The following FASN variants were observed in gnomAD, a reference collection of about 807,000 sequenced individuals.
FASN encodes the protein fatty acid synthase.
A neutral mutation model predicts 250.0 loss-of-function variants in FASN; 50 were observed. That is an observed-to-expected ratio of 0.20 (90% CI 0.16 to 0.25). The LOEUF (loss-of-function observed/expected upper bound fraction) is 0.25. Among genes scored for constraint, FASN ranks in the 10% least tolerant of loss-of-function variants. The pLI is 1.00. For synonymous variants in FASN, 1,909 were observed against 1,584.0 expected (o/e 1.21, Z -4.87); for missense variants, 3,031 against 3,498.5 (o/e 0.87, Z 3.37).
At position 82,080,294 on chromosome 17, in the gene FASN, C is replaced by T. The variant is rs981096750; in HGVS notation, c.7048-56G>A. Reference sequence around the variant, plus strand: ...GGAAGGGGCGGGGCCTCCTAAGCGACGGTCCCCCAAAGCCAGGGCACAGGT... The same window carrying T: ...GGAAGGGGCGGGGCCTCCTAAGCGATGGTCCCCCAAAGCCAGGGCACAGGT... On this transcript the variant is annotated intron_variant, in intron 40 of 42. Coordinates refer to ENST00000306749, the MANE Select transcript of FASN (RefSeq NM_004104.5). The T allele has an allele frequency of 3.0e-5, 49 of 1,610,726 alleles. 1 individual carries two copies. Among genetic ancestry groups the T allele is most frequent in the South Asian group, 6.6e-5 (6 of 91,036 alleles).
At chr17:82,086,106 G>A in intron 22 of FASN, 148 bp downstream of exon 22, 2 of 1,405,500 alleles carry the variant, frequency 1.4e-6, no homozygotes, top group Admixed American at 2.0e-5. Flanking sequence ...GGACCGCACA[G>A]GACACGTGCA....
chr17:82,094,828 C>T (rs940000516), intron 3 of FASN, among the ~76,000 whole-genome samples: 2 of 150,036 alleles, frequency 1.3e-5, no homozygotes, highest in South Asian at 2.1e-4. Context: ...AAAAAAACGG[C>T]GTGGCGCTTG....
rs1156751584 is a variant in FASN, at chr17:82,087,455, G to A, written c.3093C>T (p.Asp1031=). ...CCAGGATGGACATCTGCAGCATGGT[G>A]TCCATGAAGCTCACCCAGTTATCCT... ...LWKDNWVSFM[D]TMLQMSILGS... The change falls in exon 20 of 43, where the codon GAC becomes GAT. Residue 1031 remains aspartate, a synonymous_variant. Transcript: ENST00000306749. 21 of 1,612,694 alleles carry A rather than the reference G, an allele frequency of 1.3e-5. No individual in the cohort carries two copies. Among genetic ancestry groups the A allele is most frequent in the Non-Finnish European group, 1.8e-5 (21 of 1,180,006 alleles).
Position 82,087,191 on chromosome 17 carries a change from C to A in FASN, c.3286G>T (p.Gly1096Trp), listed in dbSNP as rs62642478. ...CGCGGGGCCGACTCAGTGTGGAGCCCGGAGATGTGGACGCCTCCGGCCACT... is the reference window on the plus strand; with the variant it reads ...CGCGGGGCCGACTCAGTGTGGAGCCAGGAGATGTGGACGCCTCCGGCCACT... ...VTVAGGVHIS[G>W]LHTESAPRRQ... The change falls in exon 21 of 43, where the codon GGG (glycine) becomes TGG (tryptophan). Residue 1096 changes from glycine (G) to tryptophan (W), a missense_variant. By Grantham distance (184) the Gly-to-Trp change is radical (BLOSUM62 -2). Coordinates refer to ENST00000306749, the MANE Select transcript of FASN (RefSeq NM_004104.5). 6.2e-7 allele frequency: 1 copy of A among 1,607,610 alleles called. No individual in the cohort carries two copies. Among genetic ancestry groups the A allele is most frequent in the Admixed American group, 1.7e-5 (1 of 58,660 alleles).
chr17:82,085,421 G>C lies in FASN; in HGVS notation c.4123-19C>G, dbSNP rs757169080. 1.2e-6 allele frequency: 2 copies of C among 1,606,012 alleles called. No homozygotes were observed. Among genetic ancestry groups the C allele is most frequent in the Non-Finnish European group, 1.7e-6 (2 of 1,177,234 alleles). Reference sequence around the variant, plus strand: ...ACGCGTCCTGTGGGGGCGGTGGTCAGCACCCTGCCCGCCTGGCCCTCACCC... The same window carrying C: ...ACGCGTCCTGTGGGGGCGGTGGTCACCACCCTGCCCGCCTGGCCCTCACCC... On this transcript the variant is annotated intron_variant, in intron 23 of 42. Transcript: ENST00000306749.
chr17:82,093,202 C>G lies in FASN; in HGVS notation c.655+17G>C, dbSNP rs17848961. 6.4e-7 allele frequency: 1 copy of G among 1,562,606 alleles called. No homozygotes were observed. The highest frequency in any genetic ancestry group is 1.2e-5 in the South Asian group (1 of 85,226). The stretch of plus-strand genomic sequence containing the variant: ...GCCACTGTCCCGCCTGCCCTGGCCG[C>G]GCAGCCGCACACTCACCCGCTGTGT... On this transcript the variant is annotated intron_variant, in intron 5 of 42. Coordinates refer to ENST00000306749, the MANE Select transcript of FASN (RefSeq NM_004104.5).
chr17:82,096,330 C>T lies in FASN; in HGVS notation c.116G>A (p.Arg39His), dbSNP rs766137207. The T allele has an allele frequency of 2.5e-6, 4 of 1,612,518 alleles. No individual in the cohort carries two copies. Among genetic ancestry groups the T allele is most frequent in the Admixed American group, 3.3e-5 (2 of 60,010 alleles). Residue 39 changes from arginine to histidine, a missense_variant, in exon 2 of 43, where the codon CGC becomes CAC. Arg to His is a conservative substitution (Grantham distance 29). Transcript: ENST00000306749. ...GVDMVTDDDR[R>H]WKAGLYGLPR... Reference sequence around the variant, plus strand: ...CCGCAGCCACATACCCGCCTTCCAGCGACGGTCATCGTCCGTGACCATGTC... The same window carrying T: ...CCGCAGCCACATACCCGCCTTCCAGTGACGGTCATCGTCCGTGACCATGTC...
rs753756949 is a variant in FASN at position 82,081,772 on chromosome 17, T to G, written c.6235A>C (p.Ile2079Leu). The G allele has an allele frequency of 4.3e-6, 7 of 1,612,602 alleles. No individual in the cohort carries two copies. The highest frequency in any genetic ancestry group is 5.9e-6 in the Non-Finnish European group (7 of 1,179,990). The change falls in exon 37 of 43, where the codon ATC becomes CTC. Residue 2079 changes from isoleucine to leucine, a missense_variant. Coordinates refer to ENST00000306749, the MANE Select transcript of FASN (RefSeq NM_004104.5). ...CGCTGGGGCAGCGTGCCACTGACGA[T>G]CGTGTCGTTGGTGCTCATCGTCTCC... ...LVETMSTNDTIVSGTLPQRMA... is the reference protein window; with the variant it reads ...LVETMSTNDTLVSGTLPQRMA...
chr17:82,088,313 G>A lies in FASN; in HGVS notation c.2594-6C>T. 6.2e-7 allele frequency: 1 copy of A among 1,608,012 alleles called. No individual in the cohort carries two copies. The highest frequency in any genetic ancestry group is 8.5e-7 in the Non-Finnish European group (1 of 1,179,936). The stretch of plus-strand genomic sequence containing the variant: ...AGGAGACTCGGAGCTGGTGTCTGCG[G>A]GAGGGCACAGGCCTCAGCACAGAGC... On this transcript the variant is annotated splice_polypyrimidine_tract_variant and splice_region_variant and intron_variant, in intron 16 of 42. Coordinates refer to ENST00000306749, the MANE Select transcript of FASN (RefSeq NM_004104.5).
rs766947051 is a variant in FASN at position 82,083,877 on chromosome 17, G to C, written c.5113C>G (p.Arg1705Gly). 29 of 1,571,844 alleles carry C rather than the reference G, an allele frequency of 1.8e-5. No individual in the cohort carries two copies. The highest frequency in any genetic ancestry group is 2.3e-5 in the Non-Finnish European group (27 of 1,158,634). The change falls in exon 30 of 43, where the codon CGG (arginine) becomes GGG (glycine). Residue 1705 changes from arginine to glycine, a missense_variant. Arg to Gly is a moderately radical substitution (Grantham distance 125). Coordinates refer to ENST00000306749, the MANE Select transcript of FASN (RefSeq NM_004104.5). ...GGGAACCTGGCCTGGAGGTACGCCC[G>C]CTTCTCAGCCGACCCTGGTGAAGAG... is the stretch of plus-strand genomic sequence containing the variant. ...VFTTVGSAEK[R>G]AYLQARFPQL...
chr17:82,084,583 G>T lies in FASN; in HGVS notation c.4698C>A (p.Val1566=). The change falls in exon 27 of 43, where the codon GTC becomes GTA. Residue 1566 remains valine (V), a synonymous_variant. Transcript: ENST00000306749. ...PTCPGAQLCT[V]YYASLNFRDI... ...CGCGGAAGTTGAGGGAGGCGTAGTA[G>T]ACCGTGCAGAGCTGGGCGCCAGGGC... The T allele has an allele frequency of 6.2e-7, 1 of 1,611,116 alleles. No individual in the cohort carries two copies. Among genetic ancestry groups the T allele is most frequent in the South Asian group, 1.1e-5 (1 of 90,650 alleles).
intron 4 of FASN, 43 bp downstream of exon 4, chr17:82,093,555 C>A: frequency 6.2e-7 from 1 of 1,611,950 alleles, no homozygotes; most frequent in Non-Finnish European, 8.5e-7. Flanking sequence ...CATGTGGGGA[C>A]CTGAAGGCCA....
In FASN at chr17:82,079,405, C is replaced by T. The variant is rs1300947033; in HGVS notation, c.7350G>A (p.Thr2450=). The part of the protein sequence containing the change: ...HGNVMLLRAK[T]GGAYGEDLGA... The stretch of plus-strand genomic sequence containing the variant: ...CCAGGTCCTCGCCGTAGGCGCCACC[C>T]GTCTTGGCGCGCAGTAGCATCACGT... The change falls in exon 42 of 43, where the codon ACG becomes ACA. Residue 2450 remains threonine, a synonymous_variant. Transcript: ENST00000306749. 12 of 1,613,048 alleles carry T rather than the reference C, an allele frequency of 7.4e-6. No homozygotes were observed. Among genetic ancestry groups the T allele is most frequent in the Middle Eastern group, 1.6e-4 (1 of 6,062 alleles).
chr17:82,079,540 G>A lies in FASN; in HGVS notation c.7215C>T (p.Ile2405=), dbSNP rs1404635496. ...GGCGGTCCAGGCCCTGGTGGCTCTT[G>A]ATGATCAGGTCCACGGCGGCTGCCA... The part of the protein sequence containing the change: ...ERVAAAVDLI[I]KSHQGLDRQE... The change falls in exon 42 of 43, where the codon ATC becomes ATT. Residue 2405 remains isoleucine, a synonymous_variant. Transcript: ENST00000306749. 6.2e-7 allele frequency: 1 copy of A among 1,609,984 alleles called. No homozygotes were observed. The highest frequency in any genetic ancestry group is 8.5e-7 in the Non-Finnish European group (1 of 1,179,960).
chr17:82,088,396 T>A lies in FASN; in HGVS notation c.2587A>T (p.Asn863Tyr). The A allele has an allele frequency of 1.2e-6, 2 of 1,612,184 alleles. No homozygotes were observed. The highest frequency in any genetic ancestry group is 1.7e-6 in the Non-Finnish European group (2 of 1,179,702). Residue 863 changes from asparagine (N) to tyrosine (Y), a missense_variant, in exon 16 of 43, where the codon AAC (asparagine) becomes TAC (tyrosine). Asn to Tyr is a moderately radical substitution (Grantham distance 143). Transcript: ENST00000306749. ...CCGCCGGGCCCCTGCTCACCGATGT[T>A]GTAGATGGCGGCTGAGGGGGAACCT... Reference protein sequence around the residue: ...GSGSPSAAIYNIDTSSESPDH... With the variant: ...GSGSPSAAIYYIDTSSESPDH...
At chr17:82,081,456 G>GCAC in intron 37 of FASN, 104 bp from the exon 38 acceptor site, 1 of 1,573,560 alleles carries the variant, frequency 6.4e-7, no homozygotes, top group Non-Finnish European at 8.6e-7. Flanking sequence ...ATCTCCCAAA[G>GCAC]CACCACCACC....
At position 82,091,573 on chromosome 17, in the gene FASN, G is replaced by A. The variant is rs1421086788; in HGVS notation, c.1141C>T (p.Leu381=). 18 of 1,588,812 alleles carry A rather than the reference G, an allele frequency of 1.1e-5. No individual in the cohort carries two copies. Among genetic ancestry groups the A allele is most frequent in the Non-Finnish European group, 1.5e-5 (18 of 1,169,304 alleles). The change falls in exon 9 of 43, where the codon CTG becomes TTG. Residue 381 remains leucine, a synonymous_variant. Transcript: ENST00000306749. ...DGRLQVVDQP[L]PVRGGNVGIN... is the part of the protein sequence containing the mutation. ...CCCACGTTGCCGCCACGGACGGGCA[G>A]GGGCTGGTCCACCACCTGCAGCCGC... is the stretch of plus-strand genomic sequence containing the variant.
In FASN at chr17:82,081,615, A is replaced by G. The variant is rs1464288466; in HGVS notation, c.6392T>C (p.Val2131Ala). The change falls in exon 37 of 43, where the codon GTG (valine) becomes GCG (alanine). Residue 2131 changes from valine (V) to alanine (A), a missense_variant. Transcript: ENST00000306749. The stretch of plus-strand genomic sequence containing the variant: ...GGAGTGCTCACCCAGGATGTGTGCC[A>G]CGGCCTCCACCAGGTCCCGCTGGCT... ...RDSQRDLVEA[V>A]AHILGIRDLA... 6.2e-7 allele frequency: 1 copy of G among 1,612,464 alleles called. No homozygotes were observed. The highest frequency in any genetic ancestry group is 2.2e-5 in the East Asian group (1 of 44,890).
chr17:82,095,732 C>T (rs1339468184), intron 2 of FASN, among the ~76,000 whole-genome samples: 3 of 152,210 alleles, frequency 2.0e-5, no homozygotes, highest in South Asian at 2.1e-4. Flanking sequence ...GAGAGCTCGG[C>T]GGGAGTGAGG....
Sources: gnomAD v4.1 joint callset for allele counts (sites outside exome capture counted in the v4.1 genomes callset) on GRCh38, gnomAD v4.1.1 for gene constraint, MANE v1.5 for transcripts, NCBI Gene and HGNC (gene_info 2026-07-23, HGNC 2026-07-21) for gene names.